The following ADAMTSL3 variants were observed in gnomAD, a reference collection of about 807,000 sequenced individuals.
ADAMTSL3 encodes the protein ADAMTS-like protein 3.
ADAMTSL3 carries 128 observed loss-of-function variants against 201.7 expected under a neutral mutation model. The observed-to-expected ratio is 0.63, with a 90% CI of 0.55 to 0.73. The LOEUF is 0.73. Among genes scored for constraint, ADAMTSL3 ranks in the 30% least tolerant of loss-of-function variants. The pLI, the probability that ADAMTSL3 is intolerant of heterozygous loss-of-function variation, is 0.00. For missense variants in ADAMTSL3, 1,990 were observed against 2,119.6 expected (o/e 0.94, Z 1.20); for synonymous variants, 738 against 748.4 (o/e 0.99, Z 0.23).
At position 83,890,144 on chromosome 15, in the gene ADAMTSL3, C is replaced by T. The variant is rs1466985456; in HGVS notation, c.1108C>T (p.Arg370Cys). The T allele has an allele frequency of 9.3e-6, 15 of 1,613,196 alleles. No homozygotes were observed. The South Asian group carries it at 9.9e-5, about 11-fold the overall frequency. Residue 370 changes from arginine (R) to cysteine (C), a missense_variant, in exon 11 of 30, where the codon CGC becomes TGC. By Grantham distance (180) the Arg-to-Cys change is radical. Transcript: ENST00000286744. ...CAATTCTGCTGAATGTGTGGATATC[C>T]GCTTGAAGAGGGTAGTTCCTGACCA... ...QLNSAECVDI[R>C]LKRVVPDHYC...
At chr15:83,739,819 T>C in intron 3 of ADAMTSL3, 1 of 598,684 alleles carries the variant, frequency 1.7e-6, no homozygotes, top group East Asian at 4.5e-5. Context: ...TTTGCTGGGC[T>C]GGTGTCCAGA....
At chr15:83,985,220 C>G (rs867214145) in intron 21 of ADAMTSL3, among the ~76,000 whole-genome samples, 3 of 151,948 alleles carry the variant, frequency 2.0e-5, no homozygotes, top group Middle Eastern at 3.4e-3. Flanking sequence ...AAAAAAATCA[C>G]CGTGTATCTC....
chr15:83,707,853 A>G (rs542285850), intron 3 of ADAMTSL3, among the ~76,000 whole-genome samples: 6 of 152,322 alleles, frequency 3.9e-5, no homozygotes, highest in East Asian at 1.9e-4. Context: ...TGTTGGAACA[A>G]ATTGCAGCAT....
At chr15:83,898,151 A>C in intron 14 of ADAMTSL3, 146 bp downstream of exon 14, 1 of 913,792 alleles carries the variant, frequency 1.1e-6, no homozygotes, top group Non-Finnish European at 1.6e-6. Flanking sequence ...ATCTAGATAA[A>C]GAAGTTAGAT....
intron 2 of ADAMTSL3, among the ~76,000 whole-genome samples, chr15:83,698,291 C>G (rs188232774): frequency 2.7e-5 from 4 of 150,774 alleles, no homozygotes; most frequent in African/African-American, 7.3e-5. Context: ...AACTCTTGTC[C>G]TTGACTAGCC....
chr15:83,971,266 G>A (rs1239069876), intron 20 of ADAMTSL3, among the ~76,000 whole-genome samples: 1 of 152,088 alleles, frequency 6.6e-6, no homozygotes, highest in Non-Finnish European at 1.5e-5. Flanking sequence ...TTTCATATAA[G>A]AGTTATGTGG....
chr15:83,692,599 T>C (rs866142719), intron 2 of ADAMTSL3, among the ~76,000 whole-genome samples: 16 of 147,786 alleles, frequency 1.1e-4, no homozygotes, highest in Non-Finnish European at 7.4e-5. Flanking sequence ...GGCAGGAGAA[T>C]GTCATGAACC....
intron 6 of ADAMTSL3, among the ~76,000 whole-genome samples, chr15:83,832,867 T>A (rs2064185405): frequency 6.6e-6 from 1 of 152,194 alleles, no homozygotes; most frequent in South Asian, 2.1e-4. Flanking sequence ...GAAATTTGCT[T>A]CTGCTTTGGA....
rs1257246865 is a variant in ADAMTSL3, at chr15:83,799,261, T to C, written c.318-5389T>C. On this transcript the variant is annotated intron_variant, in intron 4 of 29. Coordinates refer to ENST00000286744, the MANE Select transcript of ADAMTSL3 (RefSeq NM_207517.3). ...TTTCAGTGCCTTCCCTTTTTATCAG[T>C]GTACTCCTTCAAATTCATGATTTAG... Among the ~76,000 whole-genome samples the C allele has an allele frequency of 2.0e-5, 3 of 152,176 alleles. No homozygotes were observed. In the South Asian group the frequency reaches 6.2e-4, roughly 31 times the overall value.
At chr15:83,777,496 G>C (rs1054552483) in intron 4 of ADAMTSL3, among the ~76,000 whole-genome samples, 1 of 152,128 alleles carries the variant, frequency 6.6e-6, no homozygotes, top group Non-Finnish European at 1.5e-5. Flanking sequence ...CCAGGTATTG[G>C]GAGCTGAGTG....
chr15:83,897,825 G>T lies in ADAMTSL3; in HGVS notation c.1468-33G>T, dbSNP rs1336437873. Reference sequence around the variant, plus strand: ...TAATGCCTTTGTGGTTCTCTTAAAAGAAATGCGTTGGCTTCTCTTTTCTTC... The same window carrying T: ...TAATGCCTTTGTGGTTCTCTTAAAATAAATGCGTTGGCTTCTCTTTTCTTC... On this transcript the variant is annotated intron_variant, in intron 13 of 29. Coordinates refer to ENST00000286744, the MANE Select transcript of ADAMTSL3 (RefSeq NM_207517.3). 2.6e-6 allele frequency: 4 copies of T among 1,549,568 alleles called. No homozygotes were observed. The South Asian group carries it at 3.7e-5, about 14-fold the overall frequency.
chr15:83,849,421 C>A (rs532274799), intron 7 of ADAMTSL3, among the ~76,000 whole-genome samples: 1 of 152,308 alleles, frequency 6.6e-6, no homozygotes, highest in African/African-American at 2.4e-5. Flanking sequence ...CCACCACGCC[C>A]AGCCACCGTC....
At chr15:83,713,827 C>T (rs770378501) in intron 3 of ADAMTSL3, among the ~76,000 whole-genome samples, 14 of 152,070 alleles carry the variant, frequency 9.2e-5, no homozygotes, top group Non-Finnish European at 1.9e-4. Flanking sequence ...TTCTAGCCTA[C>T]GTCAAAAAAG....
At chr15:83,797,487 G>C (rs2063445384) in intron 4 of ADAMTSL3, among the ~76,000 whole-genome samples, 1 of 151,996 alleles carries the variant, frequency 6.6e-6, no homozygotes, top group African/African-American at 2.4e-5. Context: ...TGTAATCCCA[G>C]CTACTCGGAA....
chr15:83,983,392 T>A, intron 21 of ADAMTSL3, 48 bp downstream of exon 21: 2 of 1,245,626 alleles, frequency 1.6e-6, no homozygotes, highest in Non-Finnish European at 2.2e-6. Flanking sequence ...ACCTTCTTAA[T>A]GGCTATTCCA....
chr15:83,828,909 G>C (rs2064087204), intron 6 of ADAMTSL3, among the ~76,000 whole-genome samples: 1 of 152,192 alleles, frequency 6.6e-6, no homozygotes, highest in South Asian at 2.1e-4. Context: ...TTTTTGATGT[G>C]CTGCTGGATT....
At chr15:83,704,014 A>C (rs1224732042) in intron 2 of ADAMTSL3, among the ~76,000 whole-genome samples, 1 of 151,462 alleles carries the variant, frequency 6.6e-6, no homozygotes, top group Non-Finnish European at 1.5e-5. Context: ...AAAAAAAAAA[A>C]AAAACACAAA....
rs776396799 is a variant in ADAMTSL3 at position 83,982,448 on chromosome 15, G to T, written c.2820G>T (p.Gln940His). The part of the protein sequence containing the change: ...VIIKCPVRRF[Q>H]KSLIQWEKDG... ...TTAAGTGCCCCGTGCGACGATTCCA[G>T]AAATCTCTGATCCAGTGGGAGAAGG... The change falls in exon 21 of 30, where the codon CAG becomes CAT. Residue 940 changes from glutamine to histidine, a missense_variant. By Grantham distance (24) the Gln-to-His change is conservative (BLOSUM62 0). Transcript: ENST00000286744. 6.2e-7 allele frequency: 1 copy of T among 1,614,162 alleles called. No homozygotes were observed. Among genetic ancestry groups the T allele is most frequent in the Non-Finnish European group, 8.5e-7 (1 of 1,180,036 alleles).
intron 26 of ADAMTSL3, among the ~76,000 whole-genome samples, 192 bp downstream of exon 26, chr15:84,021,785 G>A (rs183392154): frequency 3.3e-5 from 5 of 152,156 alleles, no homozygotes; most frequent in African/African-American, 1.2e-4. Context: ...CTGTTTCGTA[G>A]ATGGGGAAAC....
Sources: gnomAD v4.1 joint callset for allele counts (sites outside exome capture counted in the v4.1 genomes callset) on GRCh38, gnomAD v4.1.1 for gene constraint, MANE v1.5 for transcripts, NCBI Gene and HGNC (gene_info 2026-07-23, HGNC 2026-07-21) for gene names.